Variants in DLG2 observed in about 807,000 individuals in gnomAD.
DLG2 encodes disks large homolog 2.
DLG2 carries 45 observed loss-of-function variants against 132.5 expected under a neutral mutation model. The observed-to-expected ratio is 0.34, with a 90% CI of 0.27 to 0.44. DLG2 has a LOEUF of 0.44. Among genes scored for constraint, DLG2 ranks in the 20% least tolerant of loss-of-function variants. The probability of loss-of-function intolerance (pLI) is 1.00; values close to 1 mark genes in which losing one functional copy is unlikely to be tolerated. For synonymous variants in DLG2, 424 were observed against 419.6 expected (o/e 1.01, Z -0.13); for missense variants, 1,045 against 1,196.9 (o/e 0.87, Z 1.87).
chr11:84,822,857 T>C (rs2077864075), intron 6 of DLG2, among the ~76,000 whole-genome samples: 1 of 151,972 alleles, frequency 6.6e-6, no homozygotes, highest in South Asian at 2.1e-4. Context: ...CCTAACTTAA[T>C]TGAGCCACAG....
chr11:83,754,191 C>T (rs183045168), intron 18 of DLG2, among the ~76,000 whole-genome samples: 5 of 150,458 alleles, frequency 3.3e-5, no homozygotes, highest in South Asian at 2.1e-4. Context: ...ACTTGACCCC[C>T]GCAAAAAACA....
chr11:83,757,809 C>G (rs1018342657), intron 18 of DLG2, among the ~76,000 whole-genome samples: 1 of 152,152 alleles, frequency 6.6e-6, no homozygotes, highest in African/African-American at 2.4e-5. Context: ...TTTAATATAA[C>G]TACCACCCCC....
chr11:84,899,439 C>T (rs2090610396), intron 6 of DLG2, among the ~76,000 whole-genome samples: 1 of 152,044 alleles, frequency 6.6e-6, no homozygotes, highest in African/African-American at 2.4e-5. Flanking sequence ...TTGGTAATCT[C>T]ACTTGCATCT....
At chr11:84,844,123 GTGTGTGTGTGTGTA>G (rs1298621285) in intron 6 of DLG2, among the ~76,000 whole-genome samples, 83 of 25,146 alleles carry the variant, frequency 3.3e-3, no homozygotes, top group Non-Finnish European at 6.2e-3. Context: ...GTGTGTGTGT[GTGTGTGTGTGTGTA>G]TATATATATA....
At chr11:84,714,489 G>A (rs577709243) in intron 6 of DLG2, among the ~76,000 whole-genome samples, 1 of 152,024 alleles carries the variant, frequency 6.6e-6, no homozygotes, top group Non-Finnish European at 1.5e-5. Flanking sequence ...GTGAGTGTTA[G>A]AGCACCCTCT....
intron 3 of DLG2, among the ~76,000 whole-genome samples, chr11:85,457,700 T>G (rs1343470338): frequency 6.6e-6 from 1 of 152,190 alleles, no homozygotes; most frequent in Non-Finnish European, 1.5e-5. Flanking sequence ...TGAAGTTTAG[T>G]TTGTCTGGAT....
intron 17 of DLG2, 102 bp from the exon 18 acceptor site, chr11:83,786,894 A>T: frequency 1.2e-6 from 1 of 852,702 alleles, no homozygotes; most frequent in East Asian, 2.6e-5. Flanking sequence ...ATTATATCAC[A>T]TGCCTCAGAA....
At chr11:85,036,481 A>C (rs534285583) in intron 6 of DLG2, among the ~76,000 whole-genome samples, 1 of 152,212 alleles carries the variant, frequency 6.6e-6, no homozygotes, top group Non-Finnish European at 1.5e-5. Flanking sequence ...CAGTGAATCA[A>C]ATAGAAACTA....
At chr11:83,480,350 G>A (rs563865765) in intron 22 of DLG2, 91 of 1,532,600 alleles carry the variant, frequency 5.9e-5, no homozygotes, top group Admixed American at 1.8e-4. Flanking sequence ...GAAAATAACC[G>A]CAAACCAAAG....
At chr11:84,444,252 A>C (rs1402978582) in intron 7 of DLG2, among the ~76,000 whole-genome samples, 3 of 152,172 alleles carry the variant, frequency 2.0e-5, no homozygotes, top group Non-Finnish European at 4.4e-5. Flanking sequence ...CATCAGGAAG[A>C]ACAGCTCATT....
At chr11:84,962,670 T>C (rs2052745414) in intron 6 of DLG2, among the ~76,000 whole-genome samples, 1 of 152,162 alleles carries the variant, frequency 6.6e-6, no homozygotes, top group Non-Finnish European at 1.5e-5. Flanking sequence ...TCACTAAATA[T>C]TCTCTCCTCT....
In DLG2 at chr11:84,939,039, CATAAG is replaced by C. The variant is rs1272378485; in HGVS notation, c.357+172617_357+172621del. Among the ~76,000 whole-genome samples the C allele has an allele frequency of 5.9e-5, 9 of 152,118 alleles. No homozygotes were observed. In the South Asian group the frequency reaches 6.2e-4, roughly 11 times the overall value. ...AGGAGATAAATTAGAAAGATAAATACATAAGATAAAACAATATGATTATCTCCAAA... is the reference window on the plus strand; with the variant it reads ...AGGAGATAAATTAGAAAGATAAATACATAAAACAATATGATTATCTCCAAA... On this transcript the variant is annotated intron_variant, in intron 6 of 27. Coordinates refer to ENST00000376104, the MANE Select transcript of DLG2 (RefSeq NM_001142699.3).
intron 22 of DLG2, among the ~76,000 whole-genome samples, chr11:83,476,976 T>TTGAC (rs1348775220): frequency 6.6e-6 from 1 of 152,104 alleles, no homozygotes; most frequent in Non-Finnish European, 1.5e-5. Flanking sequence ...ATGCACCATT[T>TTGAC]TGACTGACTC....
chr11:84,692,497 G>A (rs2058161597), intron 6 of DLG2, among the ~76,000 whole-genome samples: 2 of 151,450 alleles, frequency 1.3e-5, no homozygotes, highest in South Asian at 4.2e-4. Flanking sequence ...GTTTATACCA[G>A]GTATATTCCT....
At chr11:84,915,586 G>A (rs769169743) in intron 6 of DLG2, among the ~76,000 whole-genome samples, 14 of 152,090 alleles carry the variant, frequency 9.2e-5, no homozygotes, top group Non-Finnish European at 1.3e-4. Flanking sequence ...TTTACCTAGG[G>A]TCATTTTCAG....
At chr11:84,495,836 C>T (rs767760340) in intron 7 of DLG2, among the ~76,000 whole-genome samples, 8 of 152,080 alleles carry the variant, frequency 5.3e-5, no homozygotes, top group South Asian at 2.1e-4. Context: ...AGGTGATCCA[C>T]GTATGTTTGA....
chr11:83,834,942 A>G (rs1403418881), intron 16 of DLG2, among the ~76,000 whole-genome samples: 1 of 152,212 alleles, frequency 6.6e-6, no homozygotes. Flanking sequence ...ATGATGTAAG[A>G]ATGAGAAAGA....
intron 6 of DLG2, among the ~76,000 whole-genome samples, chr11:84,979,477 A>T (rs2055410877): frequency 6.6e-6 from 1 of 152,236 alleles, no homozygotes; most frequent in African/African-American, 2.4e-5. Context: ...CTATGCAGCC[A>T]TAAAAAAGGA....
intron 6 of DLG2, among the ~76,000 whole-genome samples, chr11:84,658,409 G>GA (rs1297649915): frequency 6.6e-6 from 1 of 152,100 alleles, no homozygotes; most frequent in African/African-American, 2.4e-5. Context: ...TTTGAGCAGT[G>GA]ATTAGGTCAT....
Sources: allele counts gnomAD v4.1 joint callset (sites outside exome capture counted in the v4.1 genomes callset), GRCh38; gene constraint gnomAD v4.1.1; transcripts MANE v1.5; gene names NCBI Gene and HGNC (gene_info 2026-07-23, HGNC 2026-07-21).